The following GOLGB1 variants were observed in gnomAD, a reference collection of about 807,000 sequenced individuals.
The protein encoded by GOLGB1 is golgin subfamily B member 1.
In GOLGB1, 174 loss-of-function variants were observed where a neutral mutation model predicts 336.9. That is an observed-to-expected ratio of 0.52 (90% CI 0.46 to 0.59). The LOEUF (loss-of-function observed/expected upper bound fraction) is 0.59. Ranked by LOEUF, GOLGB1 falls within the 20% of genes least tolerant of loss-of-function variation. The probability of loss-of-function intolerance (pLI) is 0.00; values close to 1 mark genes in which losing one functional copy is unlikely to be tolerated. For synonymous variants in GOLGB1, 1,208 were observed against 1,289.2 expected, an observed-to-expected ratio of 0.94 and a Z score of 1.35; for missense variants, 3,331 against 3,645.3, an observed-to-expected ratio of 0.91 and a Z score of 2.22.
intron 9 of GOLGB1, among the ~76,000 whole-genome samples, chr3:121,716,235 AT>A (rs943324808): frequency 6.6e-6 from 1 of 152,140 alleles, no homozygotes; most frequent in African/African-American, 2.4e-5. Flanking sequence ...ATAATAACAC[AT>A]TTTTTAAAAG....
At chr3:121,714,062 T>C (rs182526173) in intron 10 of GOLGB1, among the ~76,000 whole-genome samples, 12 of 152,184 alleles carry the variant, frequency 7.9e-5, no homozygotes, top group Non-Finnish European at 1.5e-4. Flanking sequence ...AACAAAACAT[T>C]GGAGGAAAAA....
At chr3:121,700,096 C>A (rs952411209) in intron 11 of GOLGB1, among the ~76,000 whole-genome samples, 1 of 151,932 alleles carries the variant, frequency 6.6e-6, no homozygotes, top group African/African-American at 2.4e-5. Context: ...TGATAATGAA[C>A]CTGAATGAAG....
In GOLGB1 at chr3:121,698,069, T is replaced by C. The variant is rs1943101598; in HGVS notation, c.2454A>G (p.Glu818=). ...CATCATCCAGTTCATTCTGTAAAAC[T>C]TCAATTTTCACATCTTTAGATTTGG... ...IEAKSKDVKI[E]VLQNELDDVQ... is the part of the protein sequence containing the mutation. The change falls in exon 13 of 22, where the codon GAA becomes GAG. Residue 818 remains glutamate (E), a synonymous_variant. Coordinates refer to ENST00000614479, the MANE Select transcript of GOLGB1 (RefSeq NM_001366282.2). The C allele has an allele frequency of 3.7e-6, 6 of 1,613,956 alleles. No homozygotes were observed. The highest frequency in any genetic ancestry group is 5.1e-6 in the Non-Finnish European group (6 of 1,179,966).
intron 11 of GOLGB1, 104 bp from the exon 12 acceptor site, chr3:121,699,989 A>G: frequency 1.5e-6 from 1 of 652,388 alleles, no homozygotes; most frequent in Middle Eastern, 3.5e-4. Context: ...ATTTTTTAAA[A>G]AATAAACAAA....
Position 121,693,809 on chromosome 3 carries a change from G to A in GOLGB1, c.6714C>T (p.Cys2238=), listed in dbSNP as rs147270667. The change falls in exon 13 of 22, where the codon TGC becomes TGT. Residue 2238 remains cysteine (C), a synonymous_variant. Coordinates refer to ENST00000614479, the MANE Select transcript of GOLGB1 (RefSeq NM_001366282.2). ...GTCTAAGTTGATCCTTTAGAACACT[G>A]CAATTATCTTCTTTGAGTCTAATTT... ...EEEIRLKEDN[C]SVLKDQLRQM... 8 of 1,608,592 alleles carry A rather than the reference G, an allele frequency of 5.0e-6. No homozygotes were observed. Among genetic ancestry groups the A allele is most frequent in the Middle Eastern group, 1.7e-4 (1 of 6,052 alleles).
intron 13 of GOLGB1, among the ~76,000 whole-genome samples, chr3:121,693,232 A>T (rs1236099788): frequency 6.6e-6 from 1 of 152,222 alleles, no homozygotes; most frequent in Non-Finnish European, 1.5e-5. Flanking sequence ...CATGCCTGTA[A>T]TCCCAGCACT....
At chr3:121,693,665 A>C in intron 13 of GOLGB1, 76 bp downstream of exon 13, 1 of 1,088,130 alleles carries the variant, frequency 9.2e-7, no homozygotes, top group Non-Finnish European at 1.3e-6. Flanking sequence ...ATTGTCTAAA[A>C]GGAAACAGAA....
intron 11 of GOLGB1, among the ~76,000 whole-genome samples, chr3:121,701,691 A>C (rs2107914790): frequency 6.6e-6 from 1 of 152,260 alleles, no homozygotes; most frequent in Admixed American, 6.5e-5. Flanking sequence ...ATAAAATGCT[A>C]AGTTCAGTTC....
chr3:121,738,610 G>T (rs182216546), intron 1 of GOLGB1, among the ~76,000 whole-genome samples: 1 of 152,200 alleles, frequency 6.6e-6, no homozygotes, highest in East Asian at 1.9e-4. Context: ...TACAAGGAGG[G>T]GTCTTCCCAT....
chr3:121,681,665 A>G lies in GOLGB1; in HGVS notation c.8873+22T>C, dbSNP rs537197592. 2.4e-4 allele frequency: 356 copies of G among 1,491,152 alleles called. 4 individuals are homozygous for G. In the South Asian group the frequency reaches 4.1e-3, roughly 17 times the overall value. 92.4% of individuals were successfully genotyped at this position (1,491,152 alleles called of 1,614,324 possible). On this transcript the variant is annotated intron_variant, in intron 15 of 21. Transcript: ENST00000614479. ...AAAAGTTAAAATGAAAAGAGTTGAA[A>G]AGGAGGGATTATATATAGTACCTGA...
At chr3:121,668,006 G>A (rs765349484) in intron 19 of GOLGB1, 55 bp downstream of exon 19, 12 of 867,828 alleles carry the variant, frequency 1.4e-5, no homozygotes, top group Non-Finnish European at 2.0e-5. Flanking sequence ...CTAGATTACT[G>A]CCCAATTTCT....
chr3:121,722,537 TTTTA>T (rs1383177376), intron 5 of GOLGB1, among the ~76,000 whole-genome samples, 159 bp from the exon 6 acceptor site: 3 of 152,230 alleles, frequency 2.0e-5, no homozygotes, highest in Non-Finnish European at 4.4e-5. Context: ...ATTATCAAAA[TTTTA>T]TTTGTCAGAA....
chr3:121,681,878 G>A lies in GOLGB1; in HGVS notation c.8695-13C>T, dbSNP rs1463736. 356,370 of 1,555,080 alleles carry A rather than the reference G, an allele frequency of 0.23. 43,124 individuals are homozygous for A. The highest frequency in any genetic ancestry group is 0.42 in the East Asian group (18,473 of 44,508). ...TCAATTCCTTCAGCTTTAACCAAAG[G>A]GAAAGTAAAATGATTATTTGTCACA... is the stretch of plus-strand genomic sequence containing the variant. On this transcript the variant is annotated splice_polypyrimidine_tract_variant and intron_variant, in intron 14 of 21. Transcript: ENST00000614479.
At chr3:121,690,556 C>T (rs1942312709) in intron 14 of GOLGB1, 114 bp downstream of exon 14, 1 of 517,036 alleles carries the variant, frequency 1.9e-6, no homozygotes, top group African/African-American at 2.0e-5. Context: ...AATACTTTCC[C>T]TGCGTTCCCA....
chr3:121,747,192 A>ATG (rs1947365289), intron 1 of GOLGB1, among the ~76,000 whole-genome samples: 1 of 112,650 alleles, frequency 8.9e-6, no homozygotes, highest in Non-Finnish European at 1.8e-5. Flanking sequence ...ATATATATAT[A>ATG]TGGATGTTAC....
At position 121,696,813 on chromosome 3, in the gene GOLGB1, T is replaced by G. The variant is rs1367548566; in HGVS notation, c.3710A>C (p.Gln1237Pro). 13 of 1,614,108 alleles carry G rather than the reference T, an allele frequency of 8.1e-6. No individual in the cohort carries two copies. The highest frequency in any genetic ancestry group is 1.0e-5 in the Non-Finnish European group (12 of 1,179,936). Residue 1237 changes from glutamine (Q) to proline (P), a missense_variant, in exon 13 of 22, where the codon CAG becomes CCG. Transcript: ENST00000614479. ...QSKENENIGD[Q>P]LRQLQIQVRE... ...TACTTGAATCTGGAGTTGCCTTAGC[T>G]GGTCTCCAATATTCTCATTTTCCTT...
At chr3:121,665,153 C>G (rs918518394) in intron 20 of GOLGB1, 122 bp from the exon 21 acceptor site, 1 of 634,558 alleles carries the variant, frequency 1.6e-6, no homozygotes, top group Non-Finnish European at 2.8e-6. Flanking sequence ...GCAAAAGCTG[C>G]TCCCATAAAC....
At chr3:121,705,930 C>T (rs187170241) in intron 10 of GOLGB1, among the ~76,000 whole-genome samples, 21 of 152,212 alleles carry the variant, frequency 1.4e-4, no homozygotes, top group African/African-American at 2.9e-4. Flanking sequence ...GATTCGAACC[C>T]TCCTAACAAA....
At chr3:121,707,969 T>C (rs1451341279) in intron 10 of GOLGB1, among the ~76,000 whole-genome samples, 10 of 152,326 alleles carry the variant, frequency 6.6e-5, no homozygotes, top group South Asian at 2.1e-4. Flanking sequence ...CTTATTTTAA[T>C]CTCCTTAAAA....
Sources: allele counts gnomAD v4.1 joint callset (sites outside exome capture counted in the v4.1 genomes callset), GRCh38; gene constraint gnomAD v4.1.1; transcripts MANE v1.5; gene names NCBI Gene and HGNC (gene_info 2026-07-23, HGNC 2026-07-21).